The following CX3CR1 variants were observed in gnomAD, a reference collection of about 807,000 sequenced individuals.
The protein encoded by CX3CR1 is C-X3-C motif chemokine receptor 1, also known as CX3C chemokine receptor 1.
For missense variants in CX3CR1, 363 were observed against 432.4 expected (o/e 0.84, Z 1.42); for synonymous variants, 168 against 178.5 (o/e 0.94, Z 0.47).
upstream of CX3CR1, among the ~76,000 whole-genome samples, chr3:39,282,553 G>C (rs548976379): frequency 1.8e-4 from 28 of 152,324 alleles, no homozygotes; most frequent in South Asian, 5.8e-3. Flanking sequence ...CAGACAGAGA[G>C]GCTGTGAGGA....
Position 39,265,641 on chromosome 3 carries a change from G to A in CX3CR1, c.869C>T (p.Pro290Leu). The change falls in exon 2 of 2, where the codon CCT becomes CTT. Residue 290 changes from proline to leucine, a missense_variant. By Grantham distance (98) the Pro-to-Leu change is moderately conservative. Coordinates refer to ENST00000399220, the MANE Select transcript of CX3CR1 (RefSeq NM_001337.4). ...TVAFSHCCLN[P>L]LIYAFAGEKF... Reference sequence around the variant, plus strand: ...CTCCCCAGCAAATGCATAGATGAGAGGATTCAGGCAACAATGGCTAAATGC... The same window carrying A: ...CTCCCCAGCAAATGCATAGATGAGAAGATTCAGGCAACAATGGCTAAATGC... The A allele has an allele frequency of 1.2e-6, 2 of 1,614,178 alleles. No individual in the cohort carries two copies. The highest frequency in any genetic ancestry group is 1.7e-6 in the Non-Finnish European group (2 of 1,180,040).
the CX3CR1 span, chr3:39,286,951 T>A: frequency 6.6e-6 from 1 of 152,218 alleles, no homozygotes; most frequent in Non-Finnish European, 1.5e-5. Context: ...AATAAGCAGA[T>A]ATTTGGCTGC....
intron 1 of CX3CR1, chr3:39,266,742 C>A: frequency 1.3e-6 from 1 of 742,104 alleles, no homozygotes; most frequent in Non-Finnish European, 2.5e-6. Context: ...CTTTGACTTG[C>A]CCAAAGCCAT....
upstream of CX3CR1, among the ~76,000 whole-genome samples, chr3:39,285,465 G>A (rs1402914790): frequency 6.6e-6 from 1 of 152,168 alleles, no homozygotes; most frequent in East Asian, 1.9e-4. Flanking sequence ...CTGTCCCAAT[G>A]TTTACATTTA....
In CX3CR1 at chr3:39,266,626, G is replaced by C. The variant is rs778363308; in HGVS notation, c.-9-108C>G. The C allele has an allele frequency of 1.9e-6, 2 of 1,074,598 alleles. 1 individual carries two copies. Among genetic ancestry groups the C allele is most frequent in the Non-Finnish European group, 2.9e-6 (2 of 691,132 alleles). The allele number at this position is 1,074,598 out of a possible 1,614,324, so 66.6% of individuals were successfully genotyped here. A position where few individuals can be genotyped will look rare whatever the true frequency, so the allele number is the denominator to read the frequency against. ...GGCAGGAAGAAACAAATATTGGTTG[G>C]GTGCACACTACATTTCCCAACTTCC... On this transcript the variant is annotated intron_variant, in intron 1 of 1. Coordinates refer to ENST00000399220, the MANE Select transcript of CX3CR1 (RefSeq NM_001337.4).
At chr3:39,273,005 T>C (rs1363095013) in intron 1 of CX3CR1, among the ~76,000 whole-genome samples, 1 of 152,204 alleles carries the variant, frequency 6.6e-6, no homozygotes, top group Non-Finnish European at 1.5e-5. Flanking sequence ...AGAGATTTGG[T>C]TAACTTGTTC....
At chr3:39,284,481 T>G (rs1211145659), upstream of CX3CR1, among the ~76,000 whole-genome samples, 2 of 152,096 alleles carry the variant, frequency 1.3e-5, no homozygotes, top group East Asian at 3.9e-4. Flanking sequence ...TTGTCTAAGG[T>G]CTTAATCAGA....
intron 1 of CX3CR1, among the ~76,000 whole-genome samples, chr3:39,272,409 C>T (rs1230415735): frequency 6.6e-6 from 1 of 152,160 alleles, no homozygotes; most frequent in Non-Finnish European, 1.5e-5. Context: ...CTTCCTCTGG[C>T]CTACTTCCTT....
At chr3:39,277,797 A>G (rs56239258) in intron 1 of CX3CR1, among the ~76,000 whole-genome samples, 1,660 of 152,268 alleles carry the variant, frequency 0.011, 20 homozygotes, top group Non-Finnish European at 0.017. Context: ...TCCTGCCCCT[A>G]CAGCTCTGGA....
upstream of CX3CR1, chr3:39,281,302 T>C: frequency 1.8e-6 from 2 of 1,098,600 alleles, no homozygotes; most frequent in Non-Finnish European, 2.3e-6. Context: ...ATCCACTTTC[T>C]GACACTGGCC....
chr3:39,271,320 T>C (rs1037440352), intron 1 of CX3CR1, among the ~76,000 whole-genome samples: 1 of 152,200 alleles, frequency 6.6e-6, no homozygotes, highest in African/African-American at 2.4e-5. Context: ...TCCTTTCTGA[T>C]CATAGGCTAG....
upstream of CX3CR1, among the ~76,000 whole-genome samples, chr3:39,285,605 T>A (rs1397086896): frequency 6.6e-6 from 1 of 152,230 alleles, no homozygotes. Context: ...GATAAACTAT[T>A]TTTTAGGCAT....
chr3:39,281,088 T>A (rs1383652634), upstream of CX3CR1: 1 of 994,210 alleles, frequency 1.0e-6, no homozygotes, highest in Non-Finnish European at 1.2e-6. Flanking sequence ...CTCTGTGTGC[T>A]CCCCACCTTG....
the CX3CR1 span, among the ~76,000 whole-genome samples, chr3:39,292,125 G>T: frequency 1.3e-5 from 2 of 152,248 alleles, no homozygotes; most frequent in African/African-American, 4.8e-5. Flanking sequence ...CAAGTGCCAG[G>T]GATTGAGCAC....
intron 1 of CX3CR1, among the ~76,000 whole-genome samples, chr3:39,267,672 T>G (rs1368776053): frequency 6.6e-6 from 1 of 152,224 alleles, no homozygotes; most frequent in Non-Finnish European, 1.5e-5. Flanking sequence ...ATAGAGGGGC[T>G]GACTGATTCA....
At chr3:39,268,355 G>A (rs891050675) in intron 1 of CX3CR1, among the ~76,000 whole-genome samples, 4 of 152,170 alleles carry the variant, frequency 2.6e-5, no homozygotes, top group Non-Finnish European at 5.9e-5. Context: ...TAAGTCAAAT[G>A]GTATAAAATG....
upstream of CX3CR1, chr3:39,285,979 C>T (rs540047940): frequency 2.0e-5 from 3 of 152,244 alleles, no homozygotes; most frequent in Non-Finnish European, 2.9e-5. Flanking sequence ...GATAATATAA[C>T]GTTAAATAAC....
upstream of CX3CR1, chr3:39,280,322 G>A: frequency 1.0e-6 from 1 of 985,402 alleles, no homozygotes; most frequent in Non-Finnish European, 1.2e-6. Flanking sequence ...TCTCATTAAT[G>A]GGGAGCCTTC....
Position 39,266,022 on chromosome 3 carries a change from G to C in CX3CR1, c.488C>G (p.Pro163Arg). 1.2e-6 allele frequency: 2 copies of C among 1,614,148 alleles called. No homozygotes were observed. Among genetic ancestry groups the C allele is most frequent in the South Asian group, 1.1e-5 (1 of 91,080 alleles). ...TTTCTGCTTTGTGAACATGAACTGG[G>C]GTGCTGCCACCAAAATGGCTGCTGC... is the stretch of plus-strand genomic sequence containing the variant. ...VWAAAILVAA[P>R]QFMFTKQKEN... Residue 163 changes from proline (P) to arginine (R), a missense_variant, in exon 2 of 2, where the codon CCC (proline) becomes CGC (arginine). Transcript: ENST00000399220.
Sources: gnomAD v4.1 joint callset for allele counts (sites outside exome capture counted in the v4.1 genomes callset) on GRCh38, gnomAD v4.1.1 for gene constraint, MANE v1.5 for transcripts, NCBI Gene and HGNC (gene_info 2026-07-23, HGNC 2026-07-21) for gene names.